Variants in ADAMTSL1 observed in about 807,000 individuals in gnomAD.
ADAMTSL1 encodes the protein ADAMTS-like protein 1.
Under a neutral mutation model 201.8 loss-of-function variants are expected in ADAMTSL1, and 126 were observed. That is an observed-to-expected ratio of 0.62 (90% CI 0.54 to 0.72). The LOEUF is 0.72. Among genes scored for constraint, ADAMTSL1 ranks in the 30% least tolerant of loss-of-function variants. The pLI is 0.00. For synonymous variants in ADAMTSL1, 1,121 were observed against 903.4 expected, an observed-to-expected ratio of 1.24 and a Z score of -4.32; for missense variants, 2,679 against 2,277.8, an observed-to-expected ratio of 1.18 and a Z score of -3.59.
intron 1 of ADAMTSL1, among the ~76,000 whole-genome samples, chr9:18,122,531 T>C (rs1825545974): frequency 6.6e-6 from 1 of 152,194 alleles, no homozygotes; most frequent in African/African-American, 2.4e-5. Context: ...TTTTCATAGA[T>C]CTGATTCTAC....
chr9:18,220,249 A>G (rs1045523179), intron 2 of ADAMTSL1, among the ~76,000 whole-genome samples: 1 of 152,048 alleles, frequency 6.6e-6, no homozygotes, highest in African/African-American at 2.4e-5. Flanking sequence ...ATTTCTTTTC[A>G]TGGAACTGTT....
At chr9:18,564,854 A>G (rs2132303409) in intron 3 of ADAMTSL1, among the ~76,000 whole-genome samples, 1 of 152,324 alleles carries the variant, frequency 6.6e-6, no homozygotes, top group Non-Finnish European at 1.5e-5. Flanking sequence ...AAAAGCCTCA[A>G]GGAATGAATA....
intron 20 of ADAMTSL1, among the ~76,000 whole-genome samples, chr9:18,800,440 C>CATG (rs1318968314): frequency 6.9e-6 from 1 of 144,248 alleles, no homozygotes; most frequent in Non-Finnish European, 1.5e-5. Context: ...CTCTGGGCCA[C>CATG]ATGGTAATAG....
intron 19 of ADAMTSL1, among the ~76,000 whole-genome samples, chr9:18,785,335 C>T (rs566493950): frequency 2.0e-5 from 3 of 152,216 alleles, no homozygotes; most frequent in Non-Finnish European, 4.4e-5. Flanking sequence ...AATATTCTAG[C>T]CAACTGGCTT....
chr9:18,422,164 C>T (rs1244341884), intron 2 of ADAMTSL1, among the ~76,000 whole-genome samples: 2 of 152,078 alleles, frequency 1.3e-5, no homozygotes, highest in African/African-American at 4.8e-5. Context: ...AGTATGTTCT[C>T]CCTATTGAAT....
intron 3 of ADAMTSL1, among the ~76,000 whole-genome samples, chr9:18,542,069 G>A (rs77350328): frequency 0.023 from 3,462 of 152,274 alleles, 100 homozygotes; most frequent in African/African-American, 0.073. Flanking sequence ...CTAATACAGA[G>A]CAGGGAGGGA....
chr9:18,641,859 A>G (rs1006042839), intron 7 of ADAMTSL1, among the ~76,000 whole-genome samples: 3 of 152,058 alleles, frequency 2.0e-5, no homozygotes, highest in African/African-American at 7.2e-5. Flanking sequence ...TTAAGCTTTC[A>G]GTAGCATTCA....
intron 13 of ADAMTSL1, among the ~76,000 whole-genome samples, chr9:18,685,456 A>G (rs1384909736): frequency 1.3e-5 from 2 of 152,258 alleles, no homozygotes; most frequent in East Asian, 1.9e-4. Flanking sequence ...ATTAGAAAAC[A>G]CTGATAGGCA....
At chr9:18,689,511 C>T (rs943791555) in intron 13 of ADAMTSL1, among the ~76,000 whole-genome samples, 1 of 151,714 alleles carries the variant, frequency 6.6e-6, no homozygotes, top group African/African-American at 2.4e-5. Flanking sequence ...CTAAGGGACT[C>T]ATATTTTTTA....
At chr9:18,505,013 C>T in intron 2 of ADAMTSL1, 57 bp downstream of exon 2, 1 of 1,559,714 alleles carries the variant, frequency 6.4e-7, no homozygotes, top group Non-Finnish European at 8.6e-7. Flanking sequence ...CGGTTTGAGG[C>T]ATGCTTTTGT....
At chr9:18,131,667 A>G (rs72699473) in intron 1 of ADAMTSL1, among the ~76,000 whole-genome samples, 5,384 of 152,096 alleles carry the variant, frequency 0.035, 136 homozygotes, top group Non-Finnish European at 0.057. Context: ...TGTTCTATAG[A>G]GGATTTGTGA....
At chr9:18,375,634 C>T (rs1055960373) in intron 2 of ADAMTSL1, among the ~76,000 whole-genome samples, 1 of 152,180 alleles carries the variant, frequency 6.6e-6, no homozygotes, top group African/African-American at 2.4e-5. Flanking sequence ...AGCCGTGGAC[C>T]TTCACGGTGA....
At chr9:18,404,270 G>T (rs1383520571) in intron 2 of ADAMTSL1, among the ~76,000 whole-genome samples, 1 of 152,046 alleles carries the variant, frequency 6.6e-6, no homozygotes, top group Non-Finnish European at 1.5e-5. Flanking sequence ...AATTTATTGG[G>T]CATGATTAAC....
intron 2 of ADAMTSL1, among the ~76,000 whole-genome samples, chr9:18,418,355 T>C (rs1055727923): frequency 1.8e-4 from 28 of 151,934 alleles, no homozygotes; most frequent in Middle Eastern, 3.4e-3. Context: ...GTACTGGGAG[T>C]CCTAGCCAAT....
At chr9:18,112,323 C>A (rs559527114) in intron 1 of ADAMTSL1, among the ~76,000 whole-genome samples, 1 of 151,976 alleles carries the variant, frequency 6.6e-6, no homozygotes, top group African/African-American at 2.4e-5. Flanking sequence ...TTAATCTCCC[C>A]GAGGGGACGT....
chr9:17,937,405 G>A (rs991269086), intron 1 of ADAMTSL1, among the ~76,000 whole-genome samples: 4 of 151,810 alleles, frequency 2.6e-5, no homozygotes, highest in Admixed American at 1.3e-4. Context: ...TTCTCTCTGC[G>A]GCTCCACACT....
intron 3 of ADAMTSL1, among the ~76,000 whole-genome samples, chr9:18,561,982 C>T (rs1821534178): frequency 1.3e-5 from 2 of 152,192 alleles, no homozygotes; most frequent in South Asian, 4.2e-4. Context: ...TCCAGTTTGC[C>T]AGTCTGTGTC....
chr9:17,991,213 A>T (rs967951705), intron 1 of ADAMTSL1, among the ~76,000 whole-genome samples: 6 of 152,202 alleles, frequency 3.9e-5, no homozygotes, highest in Non-Finnish European at 4.4e-5. Context: ...TGAATTCCAG[A>T]GAAGGATCAG....
chr9:18,872,180 A>G (rs1827906201), intron 23 of ADAMTSL1, among the ~76,000 whole-genome samples: 1 of 152,072 alleles, frequency 6.6e-6, no homozygotes, highest in African/African-American at 2.4e-5. Context: ...TAACAGATAG[A>G]ATATAATAGG....
Sources: gnomAD v4.1 joint callset for allele counts (sites outside exome capture counted in the v4.1 genomes callset) on GRCh38, gnomAD v4.1.1 for gene constraint, MANE v1.5 for transcripts, NCBI Gene and HGNC (gene_info 2026-07-23, HGNC 2026-07-21) for gene names.